The following ITFG1 variants were observed in gnomAD, a reference collection of about 807,000 sequenced individuals.
ITFG1 encodes the protein integrin alpha FG-GAP repeat containing 1.
A neutral mutation model predicts 81.8 loss-of-function variants in ITFG1; 34 were observed. The observed-to-expected ratio is 0.42, with a 90% CI of 0.32 to 0.55. The LOEUF is 0.55. ITFG1 is among the 20% of genes least tolerant of loss of function. The probability of loss-of-function intolerance (pLI) is 0.17; values close to 1 mark genes in which losing one functional copy is unlikely to be tolerated. For missense variants in ITFG1, 672 were observed against 755.4 expected, an observed-to-expected ratio of 0.89 and a Z score of 1.29; for synonymous variants, 285 against 270.6, an observed-to-expected ratio of 1.05 and a Z score of -0.52.
chr16:47,408,959 G>A (rs1968764545), intron 6 of ITFG1, among the ~76,000 whole-genome samples: 2 of 152,026 alleles, frequency 1.3e-5, no homozygotes, highest in African/African-American at 4.8e-5. Context: ...ACACATATAC[G>A]TAACGTGTCA....
At chr16:47,261,534 T>C (rs1966209039) in intron 10 of ITFG1, among the ~76,000 whole-genome samples, 1 of 152,232 alleles carries the variant, frequency 6.6e-6, no homozygotes. Flanking sequence ...AGAAGTAACT[T>C]TGTAAAGTGT....
intron 6 of ITFG1, among the ~76,000 whole-genome samples, chr16:47,401,347 T>C (rs986598593): frequency 4.6e-5 from 7 of 152,188 alleles, no homozygotes; most frequent in African/African-American, 7.2e-5. Context: ...TAGAATAAGA[T>C]ACATAAATTT....
intron 13 of ITFG1, among the ~76,000 whole-genome samples, chr16:47,233,893 TAAG>T (rs1965843494): frequency 6.6e-6 from 1 of 152,196 alleles, no homozygotes; most frequent in South Asian, 2.1e-4. Flanking sequence ...ATCTTTCATT[TAAG>T]AAGGAGTCTG....
intron 14 of ITFG1, among the ~76,000 whole-genome samples, chr16:47,182,010 C>G (rs1257889456): frequency 6.6e-6 from 1 of 152,000 alleles, no homozygotes; most frequent in Admixed American, 6.5e-5. Flanking sequence ...CATCACCACT[C>G]CCTAATCTCA....
chr16:47,305,477 A>T (rs1452737798), intron 10 of ITFG1, among the ~76,000 whole-genome samples: 5 of 152,158 alleles, frequency 3.3e-5, no homozygotes, highest in Admixed American at 1.3e-4. Flanking sequence ...ATGTGTTCTA[A>T]TATGAGCTTT....
intron 14 of ITFG1, among the ~76,000 whole-genome samples, chr16:47,164,489 G>A (rs1964860494): frequency 6.6e-6 from 1 of 152,196 alleles, no homozygotes. Context: ...GAAGCAGAAG[G>A]GAGCTGATTA....
At chr16:47,285,244 T>G (rs1966865429) in intron 10 of ITFG1, among the ~76,000 whole-genome samples, 1 of 152,142 alleles carries the variant, frequency 6.6e-6, no homozygotes, top group Non-Finnish European at 1.5e-5. Flanking sequence ...GCAATGAAGC[T>G]TCCATAAAAA....
intron 14 of ITFG1, among the ~76,000 whole-genome samples, chr16:47,174,529 G>GT (rs974089477): frequency 3.3e-5 from 5 of 151,844 alleles, no homozygotes; most frequent in Non-Finnish European, 4.4e-5. Context: ...AGGTTTTTAT[G>GT]TTTTTTTTAG....
chr16:47,456,558 G>A lies in ITFG1; in HGVS notation c.282-2400C>T, dbSNP rs540191430. Among the ~76,000 whole-genome samples, 15 of 152,196 alleles carry A rather than the reference G, an allele frequency of 9.9e-5. No individual in the cohort carries two copies. In the South Asian group the frequency reaches 1.2e-3, roughly 13 times the overall value. ...TACTACAAAATTCGCTGGGCGTGGC[G>A]TTGTGCACCTGTAGTCCCAGCTACT... On this transcript the variant is annotated intron_variant, in intron 2 of 17. Coordinates refer to ENST00000320640, the MANE Select transcript of ITFG1 (RefSeq NM_030790.5).
intron 13 of ITFG1, among the ~76,000 whole-genome samples, chr16:47,228,742 T>C (rs1309276488): frequency 6.6e-6 from 1 of 152,208 alleles, no homozygotes; most frequent in African/African-American, 2.4e-5. Flanking sequence ...CTGAGACCCC[T>C]TCTGATTGAA....
At chr16:47,400,558 C>A (rs1280874783) in intron 6 of ITFG1, among the ~76,000 whole-genome samples, 1 of 152,052 alleles carries the variant, frequency 6.6e-6, no homozygotes, top group African/African-American at 2.4e-5. Flanking sequence ...AGTCACCTTC[C>A]CCAAGAGCTG....
At chr16:47,363,669 C>T (rs891594486) in intron 8 of ITFG1, among the ~76,000 whole-genome samples, 1 of 152,098 alleles carries the variant, frequency 6.6e-6, no homozygotes, top group Non-Finnish European at 1.5e-5. Flanking sequence ...TATTTCTTGC[C>T]ATTGTTGACT....
intron 8 of ITFG1, among the ~76,000 whole-genome samples, chr16:47,360,943 T>C (rs914281289): frequency 3.3e-5 from 5 of 152,238 alleles, no homozygotes; most frequent in African/African-American, 1.2e-4. Context: ...CTTTACTAAA[T>C]GTCATTGATT....
intron 14 of ITFG1, among the ~76,000 whole-genome samples, chr16:47,166,341 A>G (rs1480891560): frequency 6.6e-6 from 1 of 152,244 alleles, no homozygotes; most frequent in African/African-American, 2.4e-5. Context: ...ATCTAAGTAA[A>G]ATTATCCAAC....
At chr16:47,175,887 A>G (rs757805058) in intron 14 of ITFG1, among the ~76,000 whole-genome samples, 6 of 152,194 alleles carry the variant, frequency 3.9e-5, no homozygotes, top group Non-Finnish European at 8.8e-5. Context: ...AGTAGCTGGG[A>G]GTACAGGTGT....
chr16:47,334,280 T>C (rs1293554292), intron 8 of ITFG1, among the ~76,000 whole-genome samples: 1 of 151,962 alleles, frequency 6.6e-6, no homozygotes, highest in East Asian at 1.9e-4. Flanking sequence ...CAAAGGAAGT[T>C]AGCTGGGTGT....
At chr16:47,360,448 A>G (rs1968095271) in intron 8 of ITFG1, among the ~76,000 whole-genome samples, 1 of 152,156 alleles carries the variant, frequency 6.6e-6, no homozygotes, top group Non-Finnish European at 1.5e-5. Flanking sequence ...ATTTTCAACT[A>G]TAAGATACAA....
intron 10 of ITFG1, among the ~76,000 whole-genome samples, chr16:47,288,900 T>C (rs577488037): frequency 6.6e-6 from 1 of 152,208 alleles, no homozygotes; most frequent in East Asian, 1.9e-4. Flanking sequence ...TTAAAAAAGG[T>C]GAAGTAAAAT....
At chr16:47,276,040 G>T (rs1966394378) in intron 10 of ITFG1, among the ~76,000 whole-genome samples, 1 of 152,010 alleles carries the variant, frequency 6.6e-6, no homozygotes. Flanking sequence ...ACTCAACACT[G>T]TAATGAAGGT....
Sources: allele counts gnomAD v4.1 joint callset (sites outside exome capture counted in the v4.1 genomes callset), GRCh38; gene constraint gnomAD v4.1.1; transcripts MANE v1.5; gene names NCBI Gene and HGNC (gene_info 2026-07-23, HGNC 2026-07-21).